Variants in APBA1 observed in about 807,000 individuals in gnomAD.
APBA1 encodes the protein amyloid beta precursor protein binding family A member 1.
In APBA1, 55 loss-of-function variants were observed where a neutral mutation model predicts 86.6. The ratio of observed to expected loss-of-function variants is 0.64; its 90% CI spans 0.51 to 0.80. The LOEUF (loss-of-function observed/expected upper bound fraction) is 0.80, where lower values mean the gene tolerates loss of function less well. APBA1 is among the 30% of genes least tolerant of loss of function. APBA1 has a pLI of 0.00. For missense variants in APBA1, 1,090 were observed against 1,183.0 expected, an observed-to-expected ratio of 0.92 and a Z score of 1.15; for synonymous variants, 511 against 493.9, an observed-to-expected ratio of 1.03 and a Z score of -0.46.
Position 69,456,426 on chromosome 9 carries a change from T to TCTCCC in APBA1, c.1608_1609insGGGAG (p.Met537GlyfsTer3). 6.3e-7 allele frequency: 1 copy of TCTCCC among 1,595,378 alleles called. No homozygotes were observed. The highest frequency in any genetic ancestry group is 8.6e-7 in the Non-Finnish European group (1 of 1,169,388). ...ATGGTCCTCAGAGGGTGGTCCATCA[T>TCTCCC]TGTCTCCTGGAGGCAGGAAGAGAGG... On this transcript the variant is annotated frameshift_variant, in exon 8 of 13. Coordinates refer to ENST00000265381, the MANE Select transcript of APBA1 (RefSeq NM_001163.4). LOFTEE classifies it high-confidence loss of function.
Position 69,542,543 on chromosome 9 carries a change from G to T in APBA1, c.-69-25264C>A, listed in dbSNP as rs112750990. Among the ~76,000 whole-genome samples the T allele has an allele frequency of 3.4e-3, 517 of 152,274 alleles. 3 individuals are homozygous for T. Among genetic ancestry groups the T allele is most frequent in the African/African-American group, 0.012 (486 of 41,554 alleles). On this transcript the variant is annotated intron_variant, in intron 1 of 12. Coordinates refer to ENST00000265381, the MANE Select transcript of APBA1 (RefSeq NM_001163.4). ...TCACCTATCGAAGGACATCTTGGTT[G>T]CTTCAAAGTTTTGGCAATTATGAAT...
chr9:69,538,576 T>G (rs747556462), intron 1 of APBA1, among the ~76,000 whole-genome samples: 6 of 152,180 alleles, frequency 3.9e-5, no homozygotes, highest in Non-Finnish European at 7.3e-5. Flanking sequence ...TCTGGATCAG[T>G]GGTTTGTGTT....
chr9:69,571,062 G>A (rs1375065394), intron 1 of APBA1, among the ~76,000 whole-genome samples: 1 of 152,094 alleles, frequency 6.6e-6, no homozygotes, highest in Non-Finnish European at 1.5e-5. Context: ...TCTCCAACGT[G>A]CATGTTTTCC....
intron 9 of APBA1, among the ~76,000 whole-genome samples, chr9:69,450,561 T>A (rs982858127): frequency 9.2e-5 from 14 of 152,294 alleles, no homozygotes; most frequent in African/African-American, 3.4e-4. Flanking sequence ...CCCCAGCTGC[T>A]GAAGCTTACA....
chr9:69,442,918 C>G (rs1384217966), intron 10 of APBA1, among the ~76,000 whole-genome samples: 2 of 152,212 alleles, frequency 1.3e-5, no homozygotes, highest in Non-Finnish European at 2.9e-5. Flanking sequence ...CCCTGCCTGG[C>G]AGAGGCGTGA....
intron 12 of APBA1, among the ~76,000 whole-genome samples, chr9:69,432,218 A>G (rs1485782044): frequency 6.6e-6 from 1 of 152,212 alleles, no homozygotes; most frequent in Non-Finnish European, 1.5e-5. Flanking sequence ...GGGGAGATTA[A>G]CTGGGGAAAA....
chr9:69,645,139 T>A (rs1823365629), intron 1 of APBA1, among the ~76,000 whole-genome samples: 1 of 152,118 alleles, frequency 6.6e-6, no homozygotes, highest in South Asian at 2.1e-4. Context: ...AGATCGATGT[T>A]GGAAGGGAAA....
intron 1 of APBA1, among the ~76,000 whole-genome samples, chr9:69,567,646 T>C (rs1837049615): frequency 6.6e-6 from 1 of 152,066 alleles, no homozygotes; most frequent in South Asian, 2.1e-4. Flanking sequence ...TTGTTCAACT[T>C]CAAGTTTTCT....
At chr9:69,559,178 T>G (rs559213624) in intron 1 of APBA1, among the ~76,000 whole-genome samples, 2 of 152,340 alleles carry the variant, frequency 1.3e-5, no homozygotes, top group South Asian at 4.1e-4. Context: ...CTTTAGTGAG[T>G]ATTAATAAAA....
rs578088528 is a variant in APBA1 at position 69,563,649 on chromosome 9, AT to A, written c.-69-46371del. Reference sequence around the variant, plus strand: ...TCAATGTACTGCTTACTTGGTTTTAATTTTTTTTTTTTAATTTGCTAGAGAC... The same window carrying A: ...TCAATGTACTGCTTACTTGGTTTTAATTTTTTTTTTTAATTTGCTAGAGAC... On this transcript the variant is annotated intron_variant, in intron 1 of 12. Transcript: ENST00000265381. Among the ~76,000 whole-genome samples the A allele has an allele frequency of 8.5e-3, 1,254 of 147,496 alleles. 16 individuals carry two copies. Among genetic ancestry groups the A allele is most frequent in the African/African-American group, 0.027 (1,084 of 40,484 alleles).
chr9:69,434,946 TCCCCCCA>T (rs1485999361), intron 11 of APBA1, among the ~76,000 whole-genome samples: 1 of 59,946 alleles, frequency 1.7e-5, no homozygotes, highest in Non-Finnish European at 3.0e-5. Flanking sequence ...CCCTCCCCCC[TCCCCCCA>T]CCCCACAACA....
At chr9:69,655,008 C>T (rs909393508) in intron 1 of APBA1, among the ~76,000 whole-genome samples, 2 of 152,082 alleles carry the variant, frequency 1.3e-5, no homozygotes, top group African/African-American at 4.8e-5. Context: ...ATGTAACATC[C>T]TTGATGATAA....
At chr9:69,584,220 C>CGT (rs145506611) in intron 1 of APBA1, among the ~76,000 whole-genome samples, 137 of 151,376 alleles carry the variant, frequency 9.1e-4, no homozygotes, top group African/African-American at 2.4e-3. Context: ...TGTACATCTC[C>CGT]GTGTGTGTGT....
chr9:69,446,047 CTG>C (rs1272879305), intron 10 of APBA1, among the ~76,000 whole-genome samples: 2 of 152,180 alleles, frequency 1.3e-5, no homozygotes, highest in Admixed American at 1.3e-4. Context: ...TGGACATACA[CTG>C]AAACAAATTT....
chr9:69,467,008 G>T (rs768437243), intron 5 of APBA1, among the ~76,000 whole-genome samples: 2 of 152,214 alleles, frequency 1.3e-5, no homozygotes, highest in African/African-American at 2.4e-5. Flanking sequence ...CGGGGAGGCT[G>T]CCCAGTGGTT....
At chr9:69,617,736 T>C (rs1048321208) in intron 1 of APBA1, among the ~76,000 whole-genome samples, 5 of 152,212 alleles carry the variant, frequency 3.3e-5, no homozygotes, top group Admixed American at 1.3e-4. Context: ...GAGATTTATA[T>C]CTCATTTTTT....
intron 1 of APBA1, among the ~76,000 whole-genome samples, chr9:69,531,890 C>G (rs1324257378): frequency 6.6e-6 from 1 of 152,220 alleles, no homozygotes; most frequent in Non-Finnish European, 1.5e-5. Flanking sequence ...AGTTCCAGCA[C>G]TCACTGGCTA....
rs776858960 is a variant in APBA1, at chr9:69,476,104, A to T, written c.1240T>A (p.Ser414Thr). 16 of 1,614,022 alleles carry T rather than the reference A, an allele frequency of 9.9e-6. No individual in the cohort carries two copies. The highest frequency in any genetic ancestry group is 1.4e-5 in the Non-Finnish European group (16 of 1,179,970). Reference protein sequence around the residue: ...PGSSSPLGAESSSTSLHPSDP... With the variant: ...PGSSSPLGAETSSTSLHPSDP... ...CTGGGGTGAAGAGATGTGCTTGATGACTCTGCACCCAAGGGGGAGGAGCTG... is the reference window on the plus strand; with the variant it reads ...CTGGGGTGAAGAGATGTGCTTGATGTCTCTGCACCCAAGGGGGAGGAGCTG... Residue 414 changes from serine (S) to threonine (T), a missense_variant, in exon 3 of 13, where the codon TCA becomes ACA. This residue lies in a region of APBA1 where 678 missense variants were observed against 647.1 expected (regional missense o/e 1.05). Coordinates refer to ENST00000265381, the MANE Select transcript of APBA1 (RefSeq NM_001163.4).
intron 1 of APBA1, among the ~76,000 whole-genome samples, chr9:69,586,930 C>T (rs186886276): frequency 6.6e-6 from 1 of 152,290 alleles, no homozygotes; most frequent in East Asian, 1.9e-4. Flanking sequence ...GTTCCATATA[C>T]TTTAAAAAAT....
Sources: allele counts gnomAD v4.1 joint callset (sites outside exome capture counted in the v4.1 genomes callset), GRCh38; gene constraint gnomAD v4.1.1; regional missense constraint gnomAD v4.1.1; transcripts MANE v1.5; gene names NCBI Gene and HGNC (gene_info 2026-07-23, HGNC 2026-07-21).